The following GRIP1 variants were observed in gnomAD, a reference collection of about 807,000 sequenced individuals.
GRIP1 encodes glutamate receptor-interacting protein 1.
Under a neutral mutation model 129.9 loss-of-function variants are expected in GRIP1, and 45 were observed. The observed-to-expected ratio is 0.35, with a 90% CI of 0.27 to 0.44. The LOEUF (loss-of-function observed/expected upper bound fraction) is 0.44. GRIP1 is among the 20% of genes least tolerant of loss of function. The probability of loss-of-function intolerance (pLI) is 1.00; values close to 1 mark genes in which losing one functional copy is unlikely to be tolerated. For synonymous variants in GRIP1, 530 were observed against 520.8 expected, an observed-to-expected ratio of 1.02 and a Z score of -0.24; for missense variants, 1,196 against 1,396.8, an observed-to-expected ratio of 0.86 and a Z score of 2.29.
At chr12:66,997,144 T>G (rs933789771) in intron 1 of GRIP1, among the ~76,000 whole-genome samples, 3 of 152,148 alleles carry the variant, frequency 2.0e-5, no homozygotes, top group African/African-American at 7.2e-5. Flanking sequence ...ATCTGCAGCG[T>G]AAGAGTGACA....
At chr12:66,392,935 G>A (rs1180574982) in intron 17 of GRIP1, 119 bp from the exon 18 acceptor site, 2 of 972,210 alleles carry the variant, frequency 2.1e-6, no homozygotes, top group East Asian at 4.8e-5. Context: ...ATCTCCAGAA[G>A]TCCCTTCTTG....
At chr12:66,638,652 C>T (rs1194568683) in intron 1 of GRIP1, among the ~76,000 whole-genome samples, 1 of 152,152 alleles carries the variant, frequency 6.6e-6, no homozygotes, top group Non-Finnish European at 1.5e-5. Flanking sequence ...GTAAGATAAA[C>T]AAGAAATAAA....
chr12:67,045,380 A>G (rs1402188491), intron 1 of GRIP1, among the ~76,000 whole-genome samples: 1 of 152,210 alleles, frequency 6.6e-6, no homozygotes, highest in Non-Finnish European at 1.5e-5. Context: ...CCTGTTACTC[A>G]GAGCTCAAAT....
At chr12:66,912,790 A>C (rs898040953) in intron 1 of GRIP1, among the ~76,000 whole-genome samples, 4 of 152,166 alleles carry the variant, frequency 2.6e-5, no homozygotes, top group Non-Finnish European at 2.9e-5. Context: ...GTCAAGGAAT[A>C]TCTCTCTCTC....
In GRIP1 at chr12:66,401,609, T is replaced by TATATATATATATATACAC. The variant is rs1169241331; in HGVS notation, c.1984+4673_1984+4674insGTGTATATATATATATAT. Among the ~76,000 whole-genome samples, 848 of 110,026 alleles carry TATATATATATATATACAC rather than the reference T, an allele frequency of 7.7e-3. 12 individuals are homozygous for TATATATATATATATACAC. Among genetic ancestry groups the TATATATATATATATACAC allele is most frequent in the Non-Finnish European group, 0.01 (577 of 56,412 alleles). 72.2% of individuals were successfully genotyped at this position (110,026 alleles called of 152,430 possible). ...AAAAAAATATGTGTGTATATATATA[T>TATATATATATATATACAC]ACACACACACACACACACACACACA... is the stretch of plus-strand genomic sequence containing the variant. On this transcript the variant is annotated intron_variant, in intron 16 of 24. Coordinates refer to ENST00000359742, the MANE Select transcript of GRIP1 (RefSeq NM_001366722.1).
chr12:66,894,803 C>G (rs1197564641), intron 1 of GRIP1, among the ~76,000 whole-genome samples: 1 of 152,210 alleles, frequency 6.6e-6, no homozygotes, highest in Non-Finnish European at 1.5e-5. Flanking sequence ...GGCAACTTTT[C>G]CAGTTACTGT....
chr12:66,375,241 T>C (rs2055730017), intron 22 of GRIP1, among the ~76,000 whole-genome samples: 1 of 152,222 alleles, frequency 6.6e-6, no homozygotes, highest in Non-Finnish European at 1.5e-5. Flanking sequence ...CAAAGACTCA[T>C]TCAAATTTCT....
chr12:66,720,117 C>A (rs548298282), intron 1 of GRIP1, among the ~76,000 whole-genome samples: 3 of 152,166 alleles, frequency 2.0e-5, no homozygotes, highest in Non-Finnish European at 4.4e-5. Flanking sequence ...GGAGATATTG[C>A]GGATTTGGCT....
chr12:66,453,681 A>G (rs1161246877), intron 11 of GRIP1, among the ~76,000 whole-genome samples: 1 of 152,202 alleles, frequency 6.6e-6, no homozygotes, highest in Non-Finnish European at 1.5e-5. Context: ...CAATTACCCA[A>G]TGAAGTAATT....
chr12:66,776,190 A>G (rs1374518224), intron 1 of GRIP1, among the ~76,000 whole-genome samples: 1 of 152,222 alleles, frequency 6.6e-6, no homozygotes, highest in Admixed American at 6.5e-5. Flanking sequence ...AGATGACAAA[A>G]CAGATAGAAG....
At chr12:66,421,283 C>T (rs1395977816) in intron 14 of GRIP1, among the ~76,000 whole-genome samples, 1 of 152,130 alleles carries the variant, frequency 6.6e-6, no homozygotes, top group Non-Finnish European at 1.5e-5. Context: ...GTGGCTCATG[C>T]CTGTAATCCT....
chr12:66,987,792 T>A (rs2042334440), intron 1 of GRIP1, among the ~76,000 whole-genome samples: 1 of 152,176 alleles, frequency 6.6e-6, no homozygotes, highest in African/African-American at 2.4e-5. Flanking sequence ...ATTAGCAAGT[T>A]AGAAAACATC....
chr12:66,906,337 G>T (rs2137291809), intron 1 of GRIP1, among the ~76,000 whole-genome samples: 1 of 152,240 alleles, frequency 6.6e-6, no homozygotes, highest in African/African-American at 2.4e-5. Context: ...GGGAGGCTGA[G>T]GTGGGAGAAT....
At position 66,377,045 on chromosome 12, in the gene GRIP1, C is replaced by T. The variant is rs777416745; in HGVS notation, c.2750G>A (p.Arg917His). ...GAGAGTCATGTTTCTCAAAGACACA[C>T]GCCTGTCAGCTTTCTCCTGTGGAAA... Reference protein sequence around the residue: ...LRELEEKADRRVSLRNMTLLA... With the variant: ...LRELEEKADRHVSLRNMTLLA... The change falls in exon 22 of 25, where the codon CGT (arginine) becomes CAT (histidine). Residue 917 changes from arginine (R) to histidine (H), a missense_variant. Arg to His is a conservative substitution (Grantham distance 29). Around this residue, in one of 5 missense-constraint regions of GRIP1, gnomAD observed 427 missense variants for 463.3 expected, o/e 0.92. Coordinates refer to ENST00000359742, the MANE Select transcript of GRIP1 (RefSeq NM_001366722.1). The T allele has an allele frequency of 3.1e-6, 5 of 1,612,324 alleles. No individual in the cohort carries two copies. In the South Asian group the frequency reaches 4.4e-5, roughly 14 times the overall value.
intron 1 of GRIP1, among the ~76,000 whole-genome samples, chr12:66,630,518 C>G (rs921183857): frequency 6.6e-6 from 1 of 151,900 alleles, no homozygotes; most frequent in African/African-American, 2.4e-5. Flanking sequence ...AAGAATGAAT[C>G]GCATTTGCCA....
At chr12:66,426,519 A>G (rs2057992521) in intron 14 of GRIP1, among the ~76,000 whole-genome samples, 1 of 152,104 alleles carries the variant, frequency 6.6e-6, no homozygotes. Context: ...AATGATGTCA[A>G]TGATAGGTTT....
At chr12:66,444,787 C>G (rs2058574608) in intron 12 of GRIP1, 58 bp from the exon 13 acceptor site, 5 of 1,567,642 alleles carry the variant, frequency 3.2e-6, no homozygotes, top group South Asian at 2.2e-5. Context: ...CCAAGCTGAG[C>G]TTGCCAAATC....
intron 1 of GRIP1, among the ~76,000 whole-genome samples, chr12:66,884,964 A>G (rs2040540688): frequency 3.3e-5 from 5 of 152,212 alleles, no homozygotes; most frequent in Admixed American, 3.3e-4. Context: ...TGTTTCTATA[A>G]GGACTATGAA....
intron 5 of GRIP1, among the ~76,000 whole-genome samples, chr12:66,518,419 C>CAA (rs76819452): frequency 3.4e-5 from 5 of 147,564 alleles, no homozygotes; most frequent in South Asian, 2.1e-4. Context: ...AAAAGAAAGC[C>CAA]AAAAAAAAAA....
Sources: allele counts gnomAD v4.1 joint callset (sites outside exome capture counted in the v4.1 genomes callset), GRCh38; gene constraint gnomAD v4.1.1; regional missense constraint gnomAD v4.1.1; transcripts MANE v1.5; gene names NCBI Gene and HGNC (gene_info 2026-07-23, HGNC 2026-07-21).